GPHN: variants seen among roughly 807,000 people sequenced by gnomAD.
GPHN encodes the protein gephyrin.
Under a neutral mutation model 95.5 loss-of-function variants are expected in GPHN, and 17 were observed. The observed-to-expected ratio is 0.18, with a 90% CI of 0.12 to 0.27. GPHN has a LOEUF of 0.27. Ranked by LOEUF, GPHN falls within the 10% of genes least tolerant of loss-of-function variation. The probability of loss-of-function intolerance (pLI) is 1.00; values close to 1 mark genes in which losing one functional copy is unlikely to be tolerated. For synonymous variants in GPHN, 320 were observed against 322.5 expected, an observed-to-expected ratio of 0.99 and a Z score of 0.08; for missense variants, 660 against 978.1, an observed-to-expected ratio of 0.67 and a Z score of 4.34.
chr14:66,761,639 C>G (rs1440676313), intron 2 of GPHN, among the ~76,000 whole-genome samples: 1 of 150,654 alleles, frequency 6.6e-6, no homozygotes, highest in African/African-American at 2.4e-5. Flanking sequence ...AGAATTTCCA[C>G]TTTGGAGAAA....
chr14:67,520,639 T>C, the GPHN span, among the ~76,000 whole-genome samples: 1 of 152,214 alleles, frequency 6.6e-6, no homozygotes, highest in Non-Finnish European at 1.5e-5. Flanking sequence ...AAAGCTGCTA[T>C]AAACTCCATG....
At chr14:66,608,349 G>A (rs964802321) in intron 1 of GPHN, among the ~76,000 whole-genome samples, 1 of 151,914 alleles carries the variant, frequency 6.6e-6, no homozygotes, top group African/African-American at 2.4e-5. Context: ...ATGTGAGAAC[G>A]TGCTTAATAT....
intron 1 of GPHN, among the ~76,000 whole-genome samples, chr14:66,620,878 G>A (rs913946400): frequency 6.6e-6 from 1 of 152,202 alleles, no homozygotes; most frequent in Non-Finnish European, 1.5e-5. Context: ...TACAGGCATT[G>A]GGTAAATACA....
chr14:66,729,234 C>A (rs1296141340), intron 2 of GPHN, among the ~76,000 whole-genome samples: 2 of 152,138 alleles, frequency 1.3e-5, no homozygotes, highest in Non-Finnish European at 2.9e-5. Flanking sequence ...ATGTCTTTAT[C>A]AGCAGCGTGA....
intron 18 of GPHN, among the ~76,000 whole-genome samples, chr14:67,144,286 T>TACATATATATAC (rs2080764080): frequency 1.3e-5 from 1 of 78,126 alleles, no homozygotes; most frequent in African/African-American, 6.4e-5. Context: ...TATATATATA[T>TACATATATATAC]ACACACACAC....
chr14:66,846,238 A>T (rs1170821794), intron 4 of GPHN, among the ~76,000 whole-genome samples: 1 of 152,120 alleles, frequency 6.6e-6, no homozygotes, highest in Non-Finnish European at 1.5e-5. Context: ...AAATTGTTTG[A>T]CTGTCTTCTC....
chr14:66,629,351 T>C (rs1159001526), intron 1 of GPHN, among the ~76,000 whole-genome samples: 1 of 151,606 alleles, frequency 6.6e-6, no homozygotes, highest in African/African-American at 2.4e-5. Context: ...TTCATTAGTC[T>C]AGGCCTACAC....
At chr14:67,702,469 G>A in the GPHN span, among the ~76,000 whole-genome samples, 5 of 152,132 alleles carry the variant, frequency 3.3e-5, no homozygotes. Context: ...TTTTGGTTTT[G>A]GCTGGGTTCA....
chr14:66,963,710 C>T (rs1019360320), intron 8 of GPHN, among the ~76,000 whole-genome samples: 1 of 152,086 alleles, frequency 6.6e-6, no homozygotes, highest in East Asian at 1.9e-4. Flanking sequence ...CGTCTTGCTT[C>T]TCAAAATTCC....
chr14:66,533,234 T>G (rs1357415631), intron 1 of GPHN, among the ~76,000 whole-genome samples: 1 of 152,224 alleles, frequency 6.6e-6, no homozygotes, highest in Admixed American at 6.5e-5. Flanking sequence ...TTCAGTATCT[T>G]GAATATTTAT....
At chr14:67,277,040 C>G in the GPHN span, among the ~76,000 whole-genome samples, 28 of 152,218 alleles carry the variant, frequency 1.8e-4, no homozygotes, top group African/African-American at 6.0e-4. Context: ...TAAATCCACT[C>G]CTGGATTTTT....
chr14:67,007,046 TTTA>T (rs375181736), intron 9 of GPHN, among the ~76,000 whole-genome samples: 24 of 152,308 alleles, frequency 1.6e-4, no homozygotes, highest in African/African-American at 5.5e-4. Flanking sequence ...TATTTTAAAA[TTTA>T]TTAGGAACAC....
the GPHN span, among the ~76,000 whole-genome samples, chr14:67,595,870 C>T: frequency 0.32 from 48,089 of 152,022 alleles, 8,234 homozygotes; most frequent in African/African-American, 0.45. Flanking sequence ...TGAGTCTCCA[C>T]GTGAACTCTG....
chr14:67,147,705 A>G (rs2080982294), intron 18 of GPHN, among the ~76,000 whole-genome samples: 1 of 152,070 alleles, frequency 6.6e-6, no homozygotes, highest in African/African-American at 2.4e-5. Context: ...CCAGCCTAGA[A>G]GTTTTAATCA....
chr14:66,771,966 A>G (rs2059193686), intron 2 of GPHN, among the ~76,000 whole-genome samples: 1 of 152,170 alleles, frequency 6.6e-6, no homozygotes. Flanking sequence ...GTTCAGTATT[A>G]GCTCTTTCAG....
At chr14:67,435,820 C>CG in the GPHN span, among the ~76,000 whole-genome samples, 1 of 152,230 alleles carries the variant, frequency 6.6e-6, no homozygotes, top group African/African-American at 2.4e-5. Flanking sequence ...TCCTTGGCCA[C>CG]GTCCATTGGT....
At chr14:67,225,034 C>A in the GPHN span, 1 of 1,288,256 alleles carries the variant, frequency 7.8e-7, no homozygotes, top group Non-Finnish European at 1.0e-6. Context: ...TTTTTTCCTC[C>A]TGCTTTTGGC....
Position 67,007,587 on chromosome 14 carries a change from A to C in GPHN, c.964-16046A>C, listed in dbSNP as rs181763223. Among the ~76,000 whole-genome samples the C allele has an allele frequency of 4.4e-4, 67 of 152,340 alleles. No homozygotes were observed. The East Asian group carries it at 9.6e-3, about 22-fold the overall frequency. Reference sequence around the variant, plus strand: ...TATTCATTCAACTTCAACTGCTACCATATGGCAAAGGTCTCTGTAGCCATT... The same window carrying C: ...TATTCATTCAACTTCAACTGCTACCCTATGGCAAAGGTCTCTGTAGCCATT... On this transcript the variant is annotated intron_variant, in intron 9 of 22. Coordinates refer to ENST00000478722, the MANE Select transcript of GPHN (RefSeq NM_020806.5).
intron 11 of GPHN, among the ~76,000 whole-genome samples, chr14:67,064,797 T>C (rs149498599): frequency 0.012 from 1,832 of 152,340 alleles, 19 homozygotes; most frequent in Non-Finnish European, 0.018. Flanking sequence ...TATCATTTTT[T>C]ATTGCATCTA....
Sources: allele counts gnomAD v4.1 joint callset (sites outside exome capture counted in the v4.1 genomes callset), GRCh38; gene constraint gnomAD v4.1.1; transcripts MANE v1.5; gene names NCBI Gene and HGNC (gene_info 2026-07-23, HGNC 2026-07-21).